FUBP1: variants seen among roughly 807,000 people sequenced by gnomAD.
FUBP1 encodes the protein far upstream element binding protein 1, also known as far upstream element-binding protein 1.
Under a neutral mutation model 94.9 loss-of-function variants are expected in FUBP1, and 16 were observed. That is an observed-to-expected ratio of 0.17 (90% CI 0.11 to 0.26). The LOEUF (loss-of-function observed/expected upper bound fraction) is 0.26, where lower values mean the gene tolerates loss of function less well. Ranked by LOEUF, FUBP1 falls within the 10% of genes least tolerant of loss-of-function variation. The pLI is 1.00. For missense variants in FUBP1, 583 were observed against 808.6 expected (o/e 0.72, Z 3.38); for synonymous variants, 279 against 254.9 (o/e 1.09, Z -0.90).
At chr1:77,967,529 A>G in intron 4 of FUBP1, 98 bp downstream of exon 4, 1 of 870,846 alleles carries the variant, frequency 1.1e-6, no homozygotes, top group South Asian at 1.6e-5. Context: ...ACCAAAAAAT[A>G]CACAGACACA....
At chr1:77,978,772 A>G (rs915127104) in intron 1 of FUBP1, 113 bp downstream of exon 1, 2 of 1,309,102 alleles carry the variant, frequency 1.5e-6, no homozygotes, top group South Asian at 1.2e-5. Context: ...TTCACATTTC[A>G]GCCCGGAAGA....
chr1:77,962,799 C>A lies in FUBP1; in HGVS notation c.1315G>T (p.Ala439Ser). ...IRGTPQQIDY[A>S]RQLIEEKIGG... ...ATCTTTTCTTCTATGAGTTGCCGAGCATAGTCTATCTGTTGTGGAGTGCCA... is the reference window on the plus strand; with the variant it reads ...ATCTTTTCTTCTATGAGTTGCCGAGAATAGTCTATCTGTTGTGGAGTGCCA... Residue 439 changes from alanine to serine, a missense_variant, in exon 14 of 20, where the codon GCT (alanine) becomes TCT (serine). Ala to Ser is a moderately conservative substitution (Grantham distance 99). Coordinates refer to ENST00000370768, the MANE Select transcript of FUBP1 (RefSeq NM_003902.5). 6 of 1,612,018 alleles carry A rather than the reference C, an allele frequency of 3.7e-6. No individual in the cohort carries two copies. Among genetic ancestry groups the A allele is most frequent in the Non-Finnish European group, 5.1e-6 (6 of 1,178,480 alleles).
chr1:77,955,997 A>G (rs1350302056), intron 17 of FUBP1, among the ~76,000 whole-genome samples: 1 of 152,246 alleles, frequency 6.6e-6, no homozygotes, highest in South Asian at 2.1e-4. Flanking sequence ...TCAAAAGGAT[A>G]TAGGCACCAC....
At chr1:77,950,437 G>A (rs1653200162) in intron 18 of FUBP1, among the ~76,000 whole-genome samples, 1 of 152,176 alleles carries the variant, frequency 6.6e-6, no homozygotes, top group South Asian at 2.1e-4. Flanking sequence ...TGGGATTACA[G>A]GCGTCAACCA....
At chr1:77,955,075 C>G (rs1466312863) in intron 18 of FUBP1, among the ~76,000 whole-genome samples, 180 bp downstream of exon 18, 3 of 151,840 alleles carry the variant, frequency 2.0e-5, no homozygotes, top group Admixed American at 2.0e-4. Context: ...AACTGGTTGA[C>G]AAATGCAATT....
At position 77,969,863 on chromosome 1, in the gene FUBP1, C is replaced by A. The variant is rs982189119; in HGVS notation, c.211+62G>T. The A allele has an allele frequency of 5.7e-6, 4 of 704,688 alleles. No homozygotes were observed. In the East Asian group the frequency reaches 1.1e-4, roughly 20 times the overall value. The allele number at this position is 704,688 out of a possible 1,614,324, so 43.7% of individuals were successfully genotyped here. On this transcript the variant is annotated intron_variant, in intron 2 of 19. Transcript: ENST00000370768. Reference sequence around the variant, plus strand: ...ATCTCAATAAAATAACAGAAAAATACCGAGAATCACTTCAACTAAACACTC... The same window carrying A: ...ATCTCAATAAAATAACAGAAAAATAACGAGAATCACTTCAACTAAACACTC...
In FUBP1 at chr1:77,949,283, G is replaced by A; in HGVS notation, c.1798C>T (p.Pro600Ser). 1.2e-6 allele frequency: 2 copies of A among 1,613,600 alleles called. No individual in the cohort carries two copies. Among genetic ancestry groups the A allele is most frequent in the Non-Finnish European group, 1.7e-6 (2 of 1,179,658 alleles). The change falls in exon 19 of 20, where the codon CCG (proline) becomes TCG (serine). Residue 600 changes from proline (P) to serine (S), a missense_variant. Physicochemically the swap from Pro to Ser is moderately conservative, Grantham distance 74 (BLOSUM62 -1). Transcript: ENST00000370768. ...YKKMGQAVPAPTGAPPGGQPD... is the reference protein window; with the variant it reads ...YKKMGQAVPASTGAPPGGQPD... ...TGACCACCTGGAGGAGCCCCAGTCG[G>A]AGCAGGAACTGCCTGACCTTTGAAA...
Position 77,947,937 on chromosome 1 carries a change from A to G in FUBP1, c.*829T>C. The G allele has an allele frequency of 9.9e-7, 1 of 1,006,964 alleles. No homozygotes were observed. The highest frequency in any genetic ancestry group is 1.2e-6 in the Non-Finnish European group (1 of 820,692). The allele number at this position is 1,006,964 out of a possible 1,614,324, so 62.4% of individuals were successfully genotyped here. On this transcript the variant is annotated 3_prime_UTR_variant, in exon 20 of 20. Transcript: ENST00000370768. The stretch of plus-strand genomic sequence containing the variant: ...ACATTGAAAGAGTTGCTTCACATGG[A>G]AAAAAACTGTTCTTATTAGACTACT...
chr1:77,962,750 A>G lies in FUBP1; in HGVS notation c.1344+20T>C. ...GTCTAAGGGTCTACACTAAAAATTA[A>G]AAGTTTAAAGTATACTCACACCAAT... On this transcript the variant is annotated intron_variant, in intron 14 of 19. Coordinates refer to ENST00000370768, the MANE Select transcript of FUBP1 (RefSeq NM_003902.5). 1.3e-6 allele frequency: 2 copies of G among 1,574,958 alleles called. No individual in the cohort carries two copies. Among genetic ancestry groups the G allele is most frequent in the East Asian group, 2.2e-5 (1 of 44,568 alleles).
rs778217029 is a variant in FUBP1, at chr1:77,956,733, G to C, written c.1577-33C>G. 21 of 1,587,708 alleles carry C rather than the reference G, an allele frequency of 1.3e-5. No individual in the cohort carries two copies. In the South Asian group the frequency reaches 2.2e-4, roughly 17 times the overall value. On this transcript the variant is annotated intron_variant, in intron 16 of 19. Coordinates refer to ENST00000370768, the MANE Select transcript of FUBP1 (RefSeq NM_003902.5). ...AAATGAAAGTTCAAGGTTTGCATGT[G>C]AAGTCTGTAATTCTCTCTCACACAC...
At chr1:77,968,104 C>CA (rs1656856069) in intron 3 of FUBP1, 61 bp downstream of exon 3, 1 of 1,112,022 alleles carries the variant, frequency 9.0e-7, no homozygotes, top group Admixed American at 2.6e-5. Context: ...ATAATATGAA[C>CA]AAAATCTTAA....
intron 18 of FUBP1, among the ~76,000 whole-genome samples, chr1:77,951,739 A>G (rs1050644455): frequency 6.6e-6 from 1 of 152,210 alleles, no homozygotes; most frequent in African/African-American, 2.4e-5. Flanking sequence ...CTTTCATCCC[A>G]AAGATAAAAG....
Position 77,955,367 on chromosome 1 carries a change from G to A in FUBP1, c.1706-38C>T, listed in dbSNP as rs556656690. On this transcript the variant is annotated intron_variant, in intron 17 of 19. Transcript: ENST00000370768. Reference sequence around the variant, plus strand: ...AAACAAAACAAAAAACAGAATTAAAGTTTTTAAAAGGCAATTTTGGCCGTT... The same window carrying A: ...AAACAAAACAAAAAACAGAATTAAAATTTTTAAAAGGCAATTTTGGCCGTT... 4.1e-5 allele frequency: 55 copies of A among 1,325,706 alleles called. No homozygotes were observed. The South Asian group carries it at 6.1e-4, about 15-fold the overall frequency. 82.1% of individuals were successfully genotyped at this position (1,325,706 alleles called of 1,614,324 possible). A position where few individuals can be genotyped will look rare whatever the true frequency, so the allele number is the denominator to read the frequency against.
In FUBP1 at chr1:77,945,961, A is replaced by T. The variant is rs1652057398; in HGVS notation, c.*2805T>A. Reference sequence around the variant, plus strand: ...CATTTCACTGATGCACATGCCTTTTATCAAAACATACTGCCTTATAACTTT... The same window carrying T: ...CATTTCACTGATGCACATGCCTTTTTTCAAAACATACTGCCTTATAACTTT... On this transcript the variant is annotated 3_prime_UTR_variant, in exon 20 of 20. Transcript: ENST00000370768. 1 of 206,482 alleles carries T rather than the reference A, an allele frequency of 4.8e-6. No individual in the cohort carries two copies. Among genetic ancestry groups the T allele is most frequent in the Non-Finnish European group, 9.9e-6 (1 of 101,058 alleles). The allele number at this position is 206,482 out of a possible 1,614,324, so 12.8% of individuals were successfully genotyped here.
rs1656539352 is a variant in FUBP1 at position 77,966,574 on chromosome 1, T to A, written c.473+120A>T. On this transcript the variant is annotated intron_variant, in intron 7 of 19. Transcript: ENST00000370768. The stretch of plus-strand genomic sequence containing the variant: ...TAAACTTCAAAGGAGTTGGAGGACT[T>A]TGAGGGAAGGTGGCAGCGAAACCAC... 11 of 652,298 alleles carry A rather than the reference T, an allele frequency of 1.7e-5. No homozygotes were observed. In the South Asian group the frequency reaches 1.9e-4, roughly 11 times the overall value. The allele number at this position is 652,298 out of a possible 1,614,324, so 40.4% of individuals were successfully genotyped here. A position where few individuals can be genotyped will look rare whatever the true frequency, so the allele number is the denominator to read the frequency against.
rs1651928563 is a variant in FUBP1, at chr1:77,945,306, G to A, written c.*3460C>T. Among the ~76,000 whole-genome samples, 1 of 151,674 alleles carries A rather than the reference G, an allele frequency of 6.6e-6. No homozygotes were observed. The highest frequency in any genetic ancestry group is 6.6e-5 in the Admixed American group (1 of 15,228). On this transcript the variant is annotated 3_prime_UTR_variant, in exon 20 of 20. Transcript: ENST00000370768. ...TTATCAATTGTACATACCTATCATT[G>A]ACTATTAAAACATAACATACACATA... is the stretch of plus-strand genomic sequence containing the variant.
intron 18 of FUBP1, among the ~76,000 whole-genome samples, chr1:77,955,011 ATAG>A (rs1209638316): frequency 5.9e-5 from 9 of 152,326 alleles, no homozygotes; most frequent in Non-Finnish European, 8.8e-5. Flanking sequence ...TGTCAAAAGT[ATAG>A]TAATGTTAAT....
intron 1 of FUBP1, among the ~76,000 whole-genome samples, chr1:77,976,537 A>AGCTG (rs140458395): frequency 0.043 from 6,518 of 152,116 alleles, 269 homozygotes; most frequent in East Asian, 0.22. Context: ...CTCTATGACC[A>AGCTG]GGCTGGAGTG....
intron 1 of FUBP1, among the ~76,000 whole-genome samples, chr1:77,976,126 A>G (rs963637353): frequency 2.1e-4 from 32 of 152,262 alleles, no homozygotes; most frequent in Admixed American, 5.2e-4. Context: ...CTAGACAAAG[A>G]AAATAAACTT....
Sources: gnomAD v4.1 joint callset for allele counts (sites outside exome capture counted in the v4.1 genomes callset) on GRCh38, gnomAD v4.1.1 for gene constraint, MANE v1.5 for transcripts, NCBI Gene and HGNC (gene_info 2026-07-23, HGNC 2026-07-21) for gene names.